The following SEC63 variants were observed in gnomAD, a reference collection of about 807,000 sequenced individuals.
SEC63 encodes SEC63 protein translocation regulator, also known as translocation protein SEC63 homolog.
SEC63 carries 56 observed loss-of-function variants against 116.2 expected under a neutral mutation model. That is an observed-to-expected ratio of 0.48 (90% confidence interval 0.39 to 0.60). The LOEUF is 0.60. SEC63 is among the 20% of genes least tolerant of loss of function. The pLI, the probability that SEC63 is intolerant of heterozygous loss-of-function variation, is 0.00. For missense variants in SEC63, 668 were observed against 900.0 expected, an observed-to-expected ratio of 0.74 and a Z score of 3.30; for synonymous variants, 273 against 294.6, an observed-to-expected ratio of 0.93 and a Z score of 0.75.
At chr6:107,886,206 T>G (rs554900119) in intron 16 of SEC63, among the ~76,000 whole-genome samples, 2 of 152,362 alleles carry the variant, frequency 1.3e-5, no homozygotes, top group East Asian at 3.9e-4. Flanking sequence ...TTTTTATGGC[T>G]GCATAGTATT....
At chr6:107,948,766 TG>T in intron 1 of SEC63, among the ~76,000 whole-genome samples, 1 of 152,144 alleles carries the variant, frequency 6.6e-6, no homozygotes, top group East Asian at 1.9e-4. Flanking sequence ...AACGAACAAC[TG>T]CTTTTCTTCT....
chr6:107,921,690 G>A (rs150102864), intron 4 of SEC63, 107 bp downstream of exon 4: 17 of 777,964 alleles, frequency 2.2e-5, no homozygotes, highest in African/African-American at 1.0e-4. Flanking sequence ...GGGCTCAAGC[G>A]ATCCTCCTGC....
At chr6:107,889,582 T>C (rs755721261) in intron 16 of SEC63, among the ~76,000 whole-genome samples, 4 of 152,184 alleles carry the variant, frequency 2.6e-5, no homozygotes, top group Non-Finnish European at 5.9e-5. Flanking sequence ...TTTGTGTCTC[T>C]ATCTCCTTCA....
At chr6:107,883,521 A>G (rs1487932079) in intron 16 of SEC63, 1 of 220,698 alleles carries the variant, frequency 4.5e-6, no homozygotes, top group Non-Finnish European at 9.0e-6. Flanking sequence ...GGGGCCAGTC[A>G]CAGCGACTCA....
At chr6:107,877,695 G>T (rs12194028) in intron 18 of SEC63, among the ~76,000 whole-genome samples, 287 of 152,214 alleles carry the variant, frequency 1.9e-3, no homozygotes, top group Non-Finnish European at 3.2e-3. Flanking sequence ...TCCCATTTAG[G>T]CCTCCCAAAG....
chr6:107,947,891 T>G, intron 1 of SEC63, among the ~76,000 whole-genome samples: 1 of 151,924 alleles, frequency 6.6e-6, no homozygotes, highest in Admixed American at 6.6e-5. Context: ...CACACAATAT[T>G]CCACAAAAGC....
At position 107,905,686 on chromosome 6, in the gene SEC63, A is replaced by C. The variant is rs1039967242; in HGVS notation, c.961+762T>G. 3.3e-5 allele frequency among the ~76,000 whole-genome samples: 5 copies of C among 152,238 alleles called. 1 individual carries two copies. In the Middle Eastern group the frequency reaches 0.017, roughly 518 times the overall value. ...TGTCGGAGGAAGCTTGTAGATGGGGAGGTGAGAGGTGTTGGTTGTTGTGAA... is the reference window on the plus strand; with the variant it reads ...TGTCGGAGGAAGCTTGTAGATGGGGCGGTGAGAGGTGTTGGTTGTTGTGAA... On this transcript the variant is annotated intron_variant, in intron 10 of 20. Coordinates refer to ENST00000369002, the MANE Select transcript of SEC63 (RefSeq NM_007214.5).
rs879722703 is a variant in SEC63, at chr6:107,921,923, A to G, written c.340-14T>C. On this transcript the variant is annotated splice_polypyrimidine_tract_variant and intron_variant, in intron 3 of 20. Coordinates refer to ENST00000369002, the MANE Select transcript of SEC63 (RefSeq NM_007214.5). ...TACTGTGGCTCCCTGGGGAAAAACA[A>G]AAAAAAAAAACAAGCTTTCTGTTAG... 16 of 1,363,064 alleles carry G rather than the reference A, an allele frequency of 1.2e-5. No homozygotes were observed. The highest frequency in any genetic ancestry group is 1.8e-5 in the Admixed American group (1 of 55,630). 84.4% of individuals were successfully genotyped at this position (1,363,064 alleles called of 1,614,324 possible). A position where few individuals can be genotyped will look rare whatever the true frequency, so the allele number is the denominator to read the frequency against.
chr6:107,946,541 C>T (rs1770484287), intron 1 of SEC63, among the ~76,000 whole-genome samples: 2 of 152,206 alleles, frequency 1.3e-5, no homozygotes, highest in Admixed American at 6.5e-5. Flanking sequence ...TTTGTCACCA[C>T]ATTTATAAAA....
chr6:107,957,915 T>C lies in SEC63; in HGVS notation c.95A>G (p.Tyr32Cys). 1.2e-6 allele frequency: 2 copies of C among 1,612,678 alleles called. No individual in the cohort carries two copies. The highest frequency in any genetic ancestry group is 2.2e-5 in the South Asian group (2 of 91,040). ...ATTCTGATCTCGGGGCCAGAGGTAG[T>C]ATGTCGCCGGGATCACGATGAGCCC... ...FVGLIVIPAT[Y>C]YLWPRDQNAE... The change falls in exon 1 of 21, where the codon TAC becomes TGC. Residue 32 changes from tyrosine (Y) to cysteine (C), a missense_variant. Transcript: ENST00000369002.
At chr6:107,897,479 TATGTGAA>T (rs551016572) in intron 14 of SEC63, among the ~76,000 whole-genome samples, 163 bp downstream of exon 14, 119 of 152,330 alleles carry the variant, frequency 7.8e-4, no homozygotes, top group African/African-American at 2.8e-3. Context: ...TTTTTTAGTG[TATGTGAA>T]AACTGTCTCA....
intron 19 of SEC63, 39 bp downstream of exon 19, chr6:107,876,525 G>T: frequency 1.7e-6 from 2 of 1,172,436 alleles, no homozygotes; most frequent in Non-Finnish European, 2.6e-6. Flanking sequence ...TGACAGCTGT[G>T]CCTTGTTAAA....
chr6:107,955,396 T>C (rs887453718), intron 1 of SEC63, among the ~76,000 whole-genome samples: 3 of 152,092 alleles, frequency 2.0e-5, no homozygotes, highest in Admixed American at 6.5e-5. Context: ...CTCCTGACTT[T>C]AGGTGATCCG....
chr6:107,903,707 T>C (rs1787064146), intron 11 of SEC63, among the ~76,000 whole-genome samples: 1 of 152,126 alleles, frequency 6.6e-6, no homozygotes, highest in African/African-American at 2.4e-5. Flanking sequence ...AATTAATTAA[T>C]AAAAATTACA....
At chr6:107,953,777 C>G (rs1306959736) in intron 1 of SEC63, among the ~76,000 whole-genome samples, 1 of 145,350 alleles carries the variant, frequency 6.9e-6, no homozygotes, top group African/African-American at 2.5e-5. Context: ...GCCAGCCGCC[C>G]CGTCCGGGAG....
At chr6:107,933,480 A>T (rs1787856162) in intron 1 of SEC63, among the ~76,000 whole-genome samples, 1 of 152,222 alleles carries the variant, frequency 6.6e-6, no homozygotes, top group Admixed American at 6.5e-5. Flanking sequence ...GACAGCATAC[A>T]AGAACACAGA....
intron 1 of SEC63, among the ~76,000 whole-genome samples, chr6:107,935,015 C>T: frequency 1.5e-5 from 2 of 134,998 alleles, no homozygotes; most frequent in African/African-American, 2.8e-5. Flanking sequence ...CCCCGCCCGG[C>T]CAGCCACCCC....
intron 6 of SEC63, 113 bp downstream of exon 6, chr6:107,912,603 A>C (rs1279496096): frequency 2.6e-5 from 19 of 720,274 alleles, no homozygotes; most frequent in Non-Finnish European, 4.6e-5. Context: ...GAATGAATGA[A>C]TGGCACACCA....
chr6:107,924,215 C>T (rs1787619722), intron 3 of SEC63, among the ~76,000 whole-genome samples: 1 of 146,774 alleles, frequency 6.8e-6, no homozygotes, highest in Admixed American at 6.8e-5. Flanking sequence ...AGTGAGCCGA[C>T]GTCGTGCCAC....
Sources: allele counts gnomAD v4.1 joint callset (sites outside exome capture counted in the v4.1 genomes callset), GRCh38; gene constraint gnomAD v4.1.1; transcripts MANE v1.5; gene names NCBI Gene and HGNC (gene_info 2026-07-23, HGNC 2026-07-21).